FBXO17: variants seen among roughly 807,000 people sequenced by gnomAD.
FBXO17 encodes F-box only protein 17.
FBXO17 carries 43 observed loss-of-function variants against 34.1 expected under a neutral mutation model. The observed-to-expected ratio is 1.26, with a 90% CI of 0.99 to 1.62. FBXO17 has a LOEUF of 1.62. FBXO17 is among the 40% of genes most tolerant of loss of function. The probability of loss-of-function intolerance (pLI) is 0.00; values close to 1 mark genes in which losing one functional copy is unlikely to be tolerated. For synonymous variants in FBXO17, 169 were observed against 166.0 expected (o/e 1.02, Z -0.14); for missense variants, 424 against 386.7 (o/e 1.10, Z -0.81).
chr19:38,953,666 AAAAC>A, intron 1 of FBXO17, among the ~76,000 whole-genome samples: 1 of 151,826 alleles, frequency 6.6e-6, no homozygotes, highest in Non-Finnish European at 1.5e-5. Context: ...GTCTCAAAAC[AAAAC>A]AAAAACAAAA....
intron 1 of FBXO17, among the ~76,000 whole-genome samples, chr19:38,951,015 C>A (rs919002945): frequency 1.3e-5 from 2 of 152,070 alleles, no homozygotes; most frequent in African/African-American, 4.8e-5. Flanking sequence ...TGGTCTCGAA[C>A]TCCTGACTTC....
Position 38,946,460 on chromosome 19 carries a change from C to A in FBXO17, c.557+12G>T. The A allele has an allele frequency of 6.2e-7, 1 of 1,613,932 alleles. No individual in the cohort carries two copies. The highest frequency in any genetic ancestry group is 8.5e-7 in the Non-Finnish European group (1 of 1,179,862). Reference sequence around the variant, plus strand: ...GCTGCTGCTCTGGGGCAGGGTGCCGCTCCTCACTCACCAGTCAGCCACACA... The same window carrying A: ...GCTGCTGCTCTGGGGCAGGGTGCCGATCCTCACTCACCAGTCAGCCACACA... On this transcript the variant is annotated intron_variant, in intron 4 of 5. Transcript: ENST00000292852.
chr19:38,970,419 G>T (rs1051675831), intron 1 of FBXO17, among the ~76,000 whole-genome samples: 2 of 152,022 alleles, frequency 1.3e-5, no homozygotes, highest in African/African-American at 4.8e-5. Context: ...TGTTGGCCAG[G>T]CTGGTCTAGA....
rs747858101 is a variant in FBXO17 at position 38,950,078 on chromosome 19, C to T, written c.242G>A (p.Cys81Tyr). The T allele has an allele frequency of 9.6e-6, 15 of 1,567,300 alleles. No homozygotes were observed. The highest frequency in any genetic ancestry group is 1.0e-5 in the Non-Finnish European group (12 of 1,157,908). Residue 81 changes from cysteine to tyrosine, a missense_variant, in exon 2 of 6, where the codon TGC becomes TAC. Transcript: ENST00000292852. Reference protein sequence around the residue: ...GRALYAVAQRCLPSNEDKEEF... With the variant: ...GRALYAVAQRYLPSNEDKEEF... ...CTCCTTGTCTTCGTTGCTGGGCAGGCAGCGTTGAGCCACTGCGTAGAGTGC... is the reference window on the plus strand; with the variant it reads ...CTCCTTGTCTTCGTTGCTGGGCAGGTAGCGTTGAGCCACTGCGTAGAGTGC...
intron 1 of FBXO17, among the ~76,000 whole-genome samples, chr19:38,959,681 G>A (rs558539318): frequency 2.0e-5 from 3 of 151,906 alleles, no homozygotes; most frequent in Admixed American, 1.3e-4. Context: ...GCTTGAACCC[G>A]GGGGTTCGAG....
Position 38,950,007 on chromosome 19 carries a change from A to C in FBXO17, c.313T>G (p.Phe105Val). Residue 105 changes from phenylalanine to valine, a missense_variant, in exon 2 of 6, where the codon TTC becomes GTC. Coordinates refer to ENST00000292852, the MANE Select transcript of FBXO17 (RefSeq NM_024907.7). ...ALARYCLRAPFGRNLIFNSCG... is the reference protein window; with the variant it reads ...ALARYCLRAPVGRNLIFNSCG... ...GAGTTGAAGATGAGATTGCGGCCGA[A>C]GGGCGCGCGCAGACAGTAGCGCGCC... 1.3e-6 allele frequency: 2 copies of C among 1,556,108 alleles called. No homozygotes were observed. The highest frequency in any genetic ancestry group is 1.7e-6 in the Non-Finnish European group (2 of 1,152,042).
At chr19:38,963,571 G>A (rs1237600388) in intron 1 of FBXO17, among the ~76,000 whole-genome samples, 1 of 152,112 alleles carries the variant, frequency 6.6e-6, no homozygotes, top group Non-Finnish European at 1.5e-5. Context: ...GGGATTACAG[G>A]CATGAGCCAC....
chr19:38,945,199 G>T, intron 4 of FBXO17, 95 bp from the exon 5 acceptor site: 1 of 1,510,232 alleles, frequency 6.6e-7, no homozygotes. Flanking sequence ...TCTTGATGAA[G>T]GTCCTGCACA....
At chr19:38,966,748 CT>C (rs2144840814) in intron 1 of FBXO17, among the ~76,000 whole-genome samples, 1 of 152,196 alleles carries the variant, frequency 6.6e-6, no homozygotes, top group East Asian at 1.9e-4. Context: ...AAAAGGAATC[CT>C]TTTGACCTGG....
intron 4 of FBXO17, chr19:38,946,171 A>G (rs1974980063): frequency 2.2e-6 from 1 of 445,538 alleles, no homozygotes; most frequent in Non-Finnish European, 4.1e-6. Flanking sequence ...GACCCTGGGC[A>G]TCCACAAGGT....
rs1408882408 is a variant in FBXO17 at position 38,942,607 on chromosome 19, G to A, written c.*1C>T. ...GACAACGTCAGGCAGTAGTCCAGTC[G>A]CTAGGACAGACGGATCCTGACCCTC... On this transcript the variant is annotated 3_prime_UTR_variant, in exon 6 of 6. Transcript: ENST00000292852. The A allele has an allele frequency of 5.1e-6, 8 of 1,568,952 alleles. No homozygotes were observed. The highest frequency in any genetic ancestry group is 1.2e-5 in the South Asian group (1 of 83,876).
chr19:38,954,800 A>T (rs914520918), intron 1 of FBXO17, among the ~76,000 whole-genome samples: 3 of 146,498 alleles, frequency 2.0e-5, no homozygotes, highest in African/African-American at 7.6e-5. Context: ...GGCTGTTCTC[A>T]AACTCCTGAC....
At position 38,963,076 on chromosome 19, in the gene FBXO17, C is replaced by T. The variant is rs116703321; in HGVS notation, c.-18+12510G>A. ...AGTTCCTCTTACTCAAATCCCCTATCATAGTTAACAATTCTGTATATTAAA... is the reference window on the plus strand; with the variant it reads ...AGTTCCTCTTACTCAAATCCCCTATTATAGTTAACAATTCTGTATATTAAA... On this transcript the variant is annotated intron_variant, in intron 1 of 5. Transcript: ENST00000292852. Among the ~76,000 whole-genome samples the T allele has an allele frequency of 6.9e-3, 1,056 of 152,244 alleles. 16 individuals are homozygous for T. The highest frequency in any genetic ancestry group is 0.024 in the African/African-American group (985 of 41,566).
chr19:38,947,417 C>T (rs1975000929), intron 3 of FBXO17: 1 of 152,082 alleles, frequency 6.6e-6, no homozygotes, highest in South Asian at 2.1e-4. Flanking sequence ...GAAACCTCTT[C>T]TCTACAAAAA....
chr19:38,962,327 C>T (rs73930237), intron 1 of FBXO17, among the ~76,000 whole-genome samples: 1 of 152,222 alleles, frequency 6.6e-6, no homozygotes, highest in African/African-American at 2.4e-5. Context: ...AAGGGTTTGG[C>T]TTCCAGTTTC....
Position 38,957,056 on chromosome 19 carries a change from G to A in FBXO17, c.-17-6720C>T, listed in dbSNP as rs185892280. ...ACCGCAGAAAGAATGAAGCTGTGGA[G>A]ACAGACTTTACAAAGACCAAGCTGT... On this transcript the variant is annotated intron_variant, in intron 1 of 5. Transcript: ENST00000292852. 1.6e-4 allele frequency among the ~76,000 whole-genome samples: 24 copies of A among 152,104 alleles called. No individual in the cohort carries two copies. The East Asian group carries it at 4.7e-3, about 30-fold the overall frequency.
At chr19:38,960,080 T>A (rs1975226001) in intron 1 of FBXO17, among the ~76,000 whole-genome samples, 1 of 152,272 alleles carries the variant, frequency 6.6e-6, no homozygotes, top group Non-Finnish European at 1.5e-5. Flanking sequence ...TATTTTAAAA[T>A]AGAAGAATCT....
chr19:38,949,945 T>A, intron 2 of FBXO17, 26 bp downstream of exon 2: 1 of 1,354,036 alleles, frequency 7.4e-7, no homozygotes, highest in Non-Finnish European at 9.7e-7. Context: ...CCCCTCAGCC[T>A]CCTGGGCCCC....
intron 1 of FBXO17, among the ~76,000 whole-genome samples, chr19:38,954,954 G>A (rs533063258): frequency 3.4e-4 from 49 of 143,676 alleles, no homozygotes; most frequent in Non-Finnish European, 5.9e-4. Context: ...TTTTTGAGAC[G>A]GAGTCTTGCT....
Sources: allele counts gnomAD v4.1 joint callset (sites outside exome capture counted in the v4.1 genomes callset), GRCh38; gene constraint gnomAD v4.1.1; transcripts MANE v1.5; gene names NCBI Gene and HGNC (gene_info 2026-07-23, HGNC 2026-07-21).